MSRA: variants seen among roughly 807,000 people sequenced by gnomAD.
MSRA encodes methionine sulfoxide reductase A, also known as mitochondrial peptide methionine sulfoxide reductase.
MSRA carries 54 observed loss-of-function variants against 31.3 expected under a neutral mutation model. The ratio of observed to expected loss-of-function variants is 1.73; its 90% CI spans 1.39 to 2.17. The LOEUF is 2.17. Among genes scored for constraint, MSRA ranks in the 30% most tolerant of loss-of-function variants. MSRA has a pLI of 0.00. For synonymous variants in MSRA, 169 were observed against 116.5 expected, an observed-to-expected ratio of 1.45 and a Z score of -2.90; for missense variants, 507 against 300.9, an observed-to-expected ratio of 1.69 and a Z score of -5.07.
intron 1 of MSRA, among the ~76,000 whole-genome samples, chr8:10,118,996 A>G (rs1271563177): frequency 6.6e-6 from 1 of 152,108 alleles, no homozygotes; most frequent in Non-Finnish European, 1.5e-5. Context: ...TCATGAAGGC[A>G]GGTTCTGGAG....
chr8:10,308,405 C>A (rs1801255471), intron 4 of MSRA, among the ~76,000 whole-genome samples: 1 of 152,314 alleles, frequency 6.6e-6, no homozygotes, highest in South Asian at 2.1e-4. Flanking sequence ...GCTGTGCGGA[C>A]AGGCCTCATT....
chr8:10,396,122 G>T (rs76988416), intron 5 of MSRA, among the ~76,000 whole-genome samples: 1 of 152,100 alleles, frequency 6.6e-6, no homozygotes, highest in African/African-American at 2.4e-5. Flanking sequence ...TTCTTTGCCT[G>T]TGTGGAGTTG....
At position 10,409,550 on chromosome 8, in the gene MSRA, C is replaced by G. The variant is rs138172056; in HGVS notation, c.544-18598C>G. The stretch of plus-strand genomic sequence containing the variant: ...CTCCTTTGCTAAGCACCCTTCTTAC[C>G]AAATGCAGCAGATACTACTGTGATC... On this transcript the variant is annotated intron_variant, in intron 5 of 5. Transcript: ENST00000317173. Among the ~76,000 whole-genome samples the G allele has an allele frequency of 2.0e-3, 299 of 152,294 alleles. 1 individual carries two copies. Among genetic ancestry groups the G allele is most frequent in the African/African-American group, 7.0e-3 (290 of 41,556 alleles).
intron 5 of MSRA, among the ~76,000 whole-genome samples, chr8:10,415,944 C>G (rs1808432810): frequency 6.6e-6 from 1 of 152,096 alleles, no homozygotes; most frequent in South Asian, 2.1e-4. Context: ...TCCGCACATC[C>G]CCTCTGCCTC....
intron 1 of MSRA, among the ~76,000 whole-genome samples, chr8:10,086,286 G>C (rs1193260347): frequency 2.0e-5 from 3 of 152,192 alleles, no homozygotes; most frequent in Admixed American, 2.0e-4. Context: ...TGAGCAGTTG[G>C]ATGCTGGTGC....
At chr8:10,267,346 G>A (rs1317013222) in intron 3 of MSRA, among the ~76,000 whole-genome samples, 1 of 152,214 alleles carries the variant, frequency 6.6e-6, no homozygotes, top group East Asian at 1.9e-4. Flanking sequence ...GGAGGCTGCA[G>A]TGGCTGGGGA....
intron 1 of MSRA, among the ~76,000 whole-genome samples, chr8:10,175,570 G>T (rs1805978333): frequency 6.6e-6 from 1 of 152,202 alleles, no homozygotes; most frequent in African/African-American, 2.4e-5. Flanking sequence ...TGGTTAAAAT[G>T]ACTATCTTGA....
intron 1 of MSRA, among the ~76,000 whole-genome samples, chr8:10,183,980 T>C (rs1170898127): frequency 2.0e-4 from 1 of 5,034 alleles, no homozygotes; most frequent in Non-Finnish European, 5.3e-4. Flanking sequence ...TTGACAGTAG[T>C]GTTGCTGGTT....
intron 5 of MSRA, among the ~76,000 whole-genome samples, chr8:10,379,828 C>T: frequency 6.6e-6 from 1 of 152,280 alleles, no homozygotes; most frequent in Middle Eastern, 3.4e-3. Flanking sequence ...TCAGTGGGTC[C>T]ATGTTGCTTT....
chr8:10,119,021 A>G (rs1800899431), intron 1 of MSRA, among the ~76,000 whole-genome samples: 1 of 151,250 alleles, frequency 6.6e-6, no homozygotes, highest in Admixed American at 6.6e-5. Flanking sequence ...AGGAGGAGGG[A>G]CCCCTCCCCG....
chr8:10,281,548 A>C (rs568399066), intron 3 of MSRA, among the ~76,000 whole-genome samples: 4 of 152,356 alleles, frequency 2.6e-5, no homozygotes, highest in Non-Finnish European at 1.5e-5. Context: ...TCCTGAAACA[A>C]TGCAAGTGCA....
At chr8:10,092,941 C>G (rs1229497331) in intron 1 of MSRA, among the ~76,000 whole-genome samples, 1 of 152,146 alleles carries the variant, frequency 6.6e-6, no homozygotes, top group Non-Finnish European at 1.5e-5. Context: ...AAACGTCCTT[C>G]TTTATCTTTA....
At chr8:10,246,675 T>C (rs1048963955) in intron 3 of MSRA, among the ~76,000 whole-genome samples, 13 of 152,238 alleles carry the variant, frequency 8.5e-5, no homozygotes, top group African/African-American at 2.9e-4. Flanking sequence ...ATGAATTCTA[T>C]TTTGAAATAA....
In MSRA at chr8:10,128,298, G is replaced by C. The variant is rs550366005; in HGVS notation, c.142+73640G>C. On this transcript the variant is annotated intron_variant, in intron 1 of 5. Coordinates refer to ENST00000317173, the MANE Select transcript of MSRA (RefSeq NM_012331.5). ...GGAGGCTGAAGCAGGAGAATCACTTGAACCTGGGAGGCGGAGGTTGCCCTG... is the reference window on the plus strand; with the variant it reads ...GGAGGCTGAAGCAGGAGAATCACTTCAACCTGGGAGGCGGAGGTTGCCCTG... Among the ~76,000 whole-genome samples the C allele has an allele frequency of 9.2e-5, 14 of 152,044 alleles. 2 individuals are homozygous for C. The South Asian group carries it at 2.9e-3, about 32-fold the overall frequency.
intron 2 of MSRA, among the ~76,000 whole-genome samples, chr8:10,231,613 G>C (rs1811480142): frequency 6.6e-6 from 1 of 152,182 alleles, no homozygotes; most frequent in Non-Finnish European, 1.5e-5. Context: ...CTCTAAGAAT[G>C]TGAAAAGGGT....
intron 1 of MSRA, among the ~76,000 whole-genome samples, chr8:10,078,098 A>G (rs1798085416): frequency 6.6e-6 from 1 of 152,266 alleles, no homozygotes; most frequent in Non-Finnish European, 1.5e-5. Flanking sequence ...CCCTAAAGCC[A>G]AATTGGGAAA....
chr8:10,258,526 G>A (rs1798301274), intron 3 of MSRA, among the ~76,000 whole-genome samples: 2 of 152,176 alleles, frequency 1.3e-5, no homozygotes, highest in South Asian at 4.1e-4. Context: ...ATGCCGAGTT[G>A]TCACATCCCC....
chr8:10,332,184 C>T (rs1802741227), intron 5 of MSRA, among the ~76,000 whole-genome samples: 1 of 152,170 alleles, frequency 6.6e-6, no homozygotes, highest in Non-Finnish European at 1.5e-5. Context: ...CTGTTGTATT[C>T]TCTATGCTGC....
intron 5 of MSRA, among the ~76,000 whole-genome samples, chr8:10,386,936 G>T (rs953255532): frequency 1.3e-5 from 2 of 151,824 alleles, no homozygotes; most frequent in African/African-American, 4.8e-5. Flanking sequence ...AAAGGCATGG[G>T]ATCGGCTGAA....
Sources: gnomAD v4.1 joint callset for allele counts (sites outside exome capture counted in the v4.1 genomes callset) on GRCh38, gnomAD v4.1.1 for gene constraint, MANE v1.5 for transcripts, NCBI Gene and HGNC (gene_info 2026-07-23, HGNC 2026-07-21) for gene names.